PPP1R14C: variants seen among roughly 807,000 people sequenced by gnomAD.
PPP1R14C encodes protein phosphatase 1 regulatory inhibitor subunit 14C, also known as protein phosphatase 1 regulatory subunit 14C.
In PPP1R14C, 16 loss-of-function variants were observed where a neutral mutation model predicts 20.4. That is an observed-to-expected ratio of 0.78 (90% confidence interval 0.53 to 1.19). The LOEUF is 1.19. Ranked by LOEUF, PPP1R14C falls within the 50% of genes most tolerant of loss-of-function variation. The pLI is 0.00. For synonymous variants in PPP1R14C, 91 were observed against 91.0 expected (o/e 1.00, Z 0.00); for missense variants, 211 against 220.1 (o/e 0.96, Z 0.26).
intron 1 of PPP1R14C, among the ~76,000 whole-genome samples, chr6:150,191,932 A>C (rs1777750977): frequency 6.6e-6 from 1 of 152,024 alleles, no homozygotes; most frequent in Admixed American, 6.5e-5. Flanking sequence ...AGATAGGGAA[A>C]GAAGAGGGTT....
intron 1 of PPP1R14C, among the ~76,000 whole-genome samples, chr6:150,162,039 C>A (rs566407662): frequency 6.8e-6 from 1 of 147,982 alleles, no homozygotes; most frequent in African/African-American, 2.5e-5. Context: ...TACCCCCCTC[C>A]GTTTATTTTC....
intron 1 of PPP1R14C, among the ~76,000 whole-genome samples, chr6:150,189,549 C>CTT (rs5880869): frequency 0.014 from 2,150 of 148,384 alleles, 47 homozygotes; most frequent in African/African-American, 0.047. Flanking sequence ...AAACATTCTG[C>CTT]TTTTTTTTTT....
chr6:150,156,280 A>G (rs1381333364), intron 1 of PPP1R14C, among the ~76,000 whole-genome samples: 1 of 152,204 alleles, frequency 6.6e-6, no homozygotes, highest in African/African-American at 2.4e-5. Flanking sequence ...TATATATTTT[A>G]TCTTACATAT....
chr6:150,197,074 T>A (rs1338023329), intron 1 of PPP1R14C, among the ~76,000 whole-genome samples: 2 of 152,208 alleles, frequency 1.3e-5, no homozygotes, highest in Non-Finnish European at 2.9e-5. Context: ...CTCCAGCTGC[T>A]GCTTGCTGCA....
intron 3 of PPP1R14C, among the ~76,000 whole-genome samples, chr6:150,226,887 A>G (rs969752252): frequency 6.6e-6 from 1 of 152,198 alleles, no homozygotes; most frequent in Non-Finnish European, 1.5e-5. Flanking sequence ...TCATGGACAC[A>G]CACTGGTACC....
chr6:150,183,213 G>A (rs1020904034), intron 1 of PPP1R14C, among the ~76,000 whole-genome samples: 8 of 150,496 alleles, frequency 5.3e-5, no homozygotes, highest in East Asian at 1.9e-4. Flanking sequence ...GAGTTATCTC[G>A]GACTGTTAGC....
At chr6:150,161,996 C>A (rs1372738922) in intron 1 of PPP1R14C, among the ~76,000 whole-genome samples, 1 of 152,050 alleles carries the variant, frequency 6.6e-6, no homozygotes, top group Non-Finnish European at 1.5e-5. Context: ...AACAGTTGCA[C>A]CCCCTATAAA....
At chr6:150,242,634 C>T (rs760605473) in intron 3 of PPP1R14C, among the ~76,000 whole-genome samples, 2 of 152,184 alleles carry the variant, frequency 1.3e-5, no homozygotes, top group African/African-American at 4.8e-5. Context: ...ATGCTTCCCC[C>T]TAAGATCAGT....
At chr6:150,164,246 CTT>C (rs1026838749) in intron 1 of PPP1R14C, among the ~76,000 whole-genome samples, 1 of 152,136 alleles carries the variant, frequency 6.6e-6, no homozygotes, top group Admixed American at 6.5e-5. Context: ...TTTGGGTTGT[CTT>C]TTATATATCC....
intron 3 of PPP1R14C, among the ~76,000 whole-genome samples, chr6:150,245,660 G>C (rs1778482278): frequency 6.6e-6 from 1 of 152,214 alleles, no homozygotes; most frequent in South Asian, 2.1e-4. Flanking sequence ...AACCCAAGTT[G>C]GAGTGATAGT....
chr6:150,240,559 CAG>C (rs1197794399), intron 3 of PPP1R14C, among the ~76,000 whole-genome samples: 9 of 152,196 alleles, frequency 5.9e-5, no homozygotes, highest in Non-Finnish European at 1.3e-4. Flanking sequence ...GGTGACCAAT[CAG>C]AGGCTGAAGT....
rs542386408 is a variant in PPP1R14C, at chr6:150,249,005, T to G, written c.*185T>G. On this transcript the variant is annotated 3_prime_UTR_variant, in exon 4 of 4. Transcript: ENST00000361131. ...ATTCAAGAGCGTTCTTTTTTTGGTT[T>G]TAAAGGTTTTTGTTAATGTAATATT... 1 of 474,134 alleles carries G rather than the reference T, an allele frequency of 2.1e-6. No homozygotes were observed. The highest frequency in any genetic ancestry group is 3.1e-5 in the East Asian group (1 of 32,130). The allele number at this position is 474,134 out of a possible 1,614,324, so 29.4% of individuals were successfully genotyped here.
At chr6:150,188,649 G>A (rs1357548645) in intron 1 of PPP1R14C, among the ~76,000 whole-genome samples, 1 of 150,712 alleles carries the variant, frequency 6.6e-6, no homozygotes, top group African/African-American at 2.4e-5. Context: ...ACCACGCCCG[G>A]CTAATTTTTT....
chr6:150,195,975 G>A, intron 1 of PPP1R14C: 3 of 985,438 alleles, frequency 3.0e-6, no homozygotes, highest in Non-Finnish European at 2.4e-6. Context: ...CTGCCACTCT[G>A]CAGCTTGGTC....
At position 150,248,880 on chromosome 6, in the gene PPP1R14C, A is replaced by C; in HGVS notation, c.*60A>C. 1 of 1,122,962 alleles carries C rather than the reference A, an allele frequency of 8.9e-7. No individual in the cohort carries two copies. The highest frequency in any genetic ancestry group is 1.5e-5 in the South Asian group (1 of 65,456). The allele number at this position is 1,122,962 out of a possible 1,614,324, so 69.6% of individuals were successfully genotyped here. A position where few individuals can be genotyped will look rare whatever the true frequency, so the allele number is the denominator to read the frequency against. On this transcript the variant is annotated 3_prime_UTR_variant, in exon 4 of 4. Transcript: ENST00000361131. ...GAAAGAGTCCTGGGATTTGTACTTC[A>C]TGAAGACTTTTGTGAAAGAATAGGT...
At chr6:150,241,396 C>T (rs1426100778) in intron 3 of PPP1R14C, among the ~76,000 whole-genome samples, 1 of 152,152 alleles carries the variant, frequency 6.6e-6, no homozygotes, top group Non-Finnish European at 1.5e-5. Context: ...ATAAGTGTTT[C>T]CCTGAGTTCT....
At chr6:150,190,456 GTC>G (rs1777728748) in intron 1 of PPP1R14C, among the ~76,000 whole-genome samples, 1 of 148,200 alleles carries the variant, frequency 6.7e-6, no homozygotes, top group Admixed American at 6.8e-5. Flanking sequence ...TTGAGATGGA[GTC>G]TCTCTGTCAC....
intron 3 of PPP1R14C, among the ~76,000 whole-genome samples, chr6:150,224,478 A>C (rs1432392240): frequency 1.3e-5 from 2 of 152,238 alleles, no homozygotes; most frequent in Admixed American, 6.5e-5. Flanking sequence ...CCTATCTATG[A>C]ACATAGAATA....
At chr6:150,183,666 T>C (rs1252276432) in intron 1 of PPP1R14C, among the ~76,000 whole-genome samples, 4 of 152,090 alleles carry the variant, frequency 2.6e-5, no homozygotes, top group Non-Finnish European at 4.4e-5. Flanking sequence ...CGCCTGCCAC[T>C]GCACCTGGCT....
Sources: allele counts gnomAD v4.1 joint callset (sites outside exome capture counted in the v4.1 genomes callset), GRCh38; gene constraint gnomAD v4.1.1; transcripts MANE v1.5; gene names NCBI Gene and HGNC (gene_info 2026-07-23, HGNC 2026-07-21).